Variants in HFM1 observed in about 807,000 individuals in gnomAD.
HFM1 encodes helicase for meiosis 1.
In HFM1, 169 loss-of-function variants were observed where a neutral mutation model predicts 192.1. That is an observed-to-expected ratio of 0.88 (90% confidence interval 0.78 to 1.00). The LOEUF is 1.00. Ranked by LOEUF, HFM1 falls within the 50% of genes least tolerant of loss-of-function variation. HFM1 has a pLI of 0.00. For synonymous variants in HFM1, 525 were observed against 537.8 expected (o/e 0.98, Z 0.33); for missense variants, 1,661 against 1,668.0 (o/e 1.00, Z 0.07).
intron 23 of HFM1, among the ~76,000 whole-genome samples, chr1:91,320,735 G>A (rs1344266545): frequency 6.6e-6 from 1 of 152,068 alleles, no homozygotes; most frequent in East Asian, 1.9e-4. Context: ...CTGTTTCTCT[G>A]CACCAGATAA....
intron 18 of HFM1, among the ~76,000 whole-genome samples, chr1:91,348,141 C>T (rs1052814876): frequency 7.2e-5 from 11 of 151,924 alleles, no homozygotes; most frequent in African/African-American, 2.7e-4. Context: ...TGTATAAACA[C>T]ATATATAAAA....
chr1:91,310,303 G>C (rs1008383812), intron 30 of HFM1, among the ~76,000 whole-genome samples: 2 of 152,024 alleles, frequency 1.3e-5, no homozygotes, highest in Admixed American at 1.3e-4. Flanking sequence ...AAAAACTAGA[G>C]AGGTATAGAT....
At chr1:91,362,962 C>G (rs1249056245) in intron 13 of HFM1, among the ~76,000 whole-genome samples, 1 of 152,108 alleles carries the variant, frequency 6.6e-6, no homozygotes, top group Non-Finnish European at 1.5e-5. Context: ...GCTGGGAGAG[C>G]TGGCTAGCCA....
intron 1 of HFM1, among the ~76,000 whole-genome samples, chr1:91,402,493 CTA>C (rs1003495309): frequency 4.6e-5 from 7 of 152,102 alleles, no homozygotes; most frequent in African/African-American, 1.7e-4. Context: ...TAGTGTGGTT[CTA>C]TAAATGTCTA....
Position 91,288,929 on chromosome 1 carries a change from T to G in HFM1, c.3392-11867A>C, listed in dbSNP as rs1668351803. ...CGGGGTGGCGGCCGGGCAGAGGGGC[T>G]CCTCACTTCCCAGACGGGCCGGCCG... On this transcript the variant is annotated intron_variant, in intron 30 of 38. Transcript: ENST00000370425. Among the ~76,000 whole-genome samples the G allele has an allele frequency of 2.6e-5, 4 of 151,980 alleles. No homozygotes were observed. In the South Asian group the frequency reaches 8.3e-4, roughly 32 times the overall value.
At chr1:91,278,205 T>A (rs1423170516) in intron 30 of HFM1, among the ~76,000 whole-genome samples, 1 of 151,838 alleles carries the variant, frequency 6.6e-6, no homozygotes, top group Non-Finnish European at 1.5e-5. Context: ...GCTTTAGGGA[T>A]CTAAGAAATT....
intron 4 of HFM1, among the ~76,000 whole-genome samples, chr1:91,393,872 T>C (rs966458377): frequency 1.3e-5 from 2 of 152,114 alleles, no homozygotes; most frequent in African/African-American, 2.4e-5. Context: ...ACCTGGACTG[T>C]TGTGGTACCA....
At chr1:91,328,287 G>C in intron 20 of HFM1, 1 of 1,012,734 alleles carries the variant, frequency 9.9e-7, no homozygotes. Context: ...GGGGAAAGTG[G>C]GCTTAGGACC....
intron 30 of HFM1, among the ~76,000 whole-genome samples, chr1:91,279,497 TG>T (rs1667274134): frequency 6.6e-6 from 1 of 152,224 alleles, no homozygotes. Context: ...CAGACCAATT[TG>T]CCCACTTAGA....
intron 1 of HFM1, among the ~76,000 whole-genome samples, chr1:91,401,372 T>C (rs2102215773): frequency 6.6e-6 from 1 of 152,336 alleles, no homozygotes; most frequent in South Asian, 2.1e-4. Flanking sequence ...ATTCTCCAAC[T>C]GGCAAATTCC....
chr1:91,344,912 C>T (rs1655925022), intron 19 of HFM1, among the ~76,000 whole-genome samples: 1 of 151,808 alleles, frequency 6.6e-6, no homozygotes. Context: ...ACAACACCAG[C>T]TCATTTTTTT....
intron 21 of HFM1, 51 bp downstream of exon 21, chr1:91,324,624 T>C: frequency 1.2e-6 from 1 of 814,228 alleles, no homozygotes; most frequent in Non-Finnish European, 2.1e-6. Context: ...TCTCAAATAT[T>C]ATTTTATACT....
chr1:91,389,885 C>G (rs890172990), intron 4 of HFM1, among the ~76,000 whole-genome samples: 1 of 152,060 alleles, frequency 6.6e-6, no homozygotes, highest in Admixed American at 6.6e-5. Flanking sequence ...TATAAAGTGA[C>G]GCAGCCACTT....
rs370122580 is a variant in HFM1, at chr1:91,315,984, G to C, written c.2983-12C>G. On this transcript the variant is annotated splice_polypyrimidine_tract_variant and intron_variant, in intron 27 of 38. Coordinates refer to ENST00000370425, the MANE Select transcript of HFM1 (RefSeq NM_001017975.6). ...CTATATCTTGTAATCTTTAAAAAAG[G>C]ACAAGTATAAAAAGTGTTAAAAATA... 93 of 1,568,152 alleles carry C rather than the reference G, an allele frequency of 5.9e-5. 1 individual carries two copies. In the African/African-American group the frequency reaches 1.1e-3, roughly 19 times the overall value.
chr1:91,315,838 T>C lies in HFM1; in HGVS notation c.3117A>G (p.Gln1039=). The change falls in exon 28 of 39, where the codon CAA becomes CAG. Residue 1039 remains glutamine (Q), a synonymous_variant. Transcript: ENST00000370425. ...VTLIIGDADN[Q]VVYLHKITDS... is the part of the protein sequence containing the mutation. ...ACGTAATCTTGTGCAGATAAACTAC[T>C]TGATTATCTGCGTCACCTATGATTA... 6.2e-7 allele frequency: 1 copy of C among 1,610,616 alleles called. No individual in the cohort carries two copies. The highest frequency in any genetic ancestry group is 8.5e-7 in the Non-Finnish European group (1 of 1,177,980).
At chr1:91,375,318 A>G in intron 13 of HFM1, 40 bp downstream of exon 13, 1 of 1,477,542 alleles carries the variant, frequency 6.8e-7, no homozygotes, top group Non-Finnish European at 9.4e-7. Flanking sequence ...GATGAGCCCT[A>G]AAAGTCCTTC....
At chr1:91,350,667 A>C (rs1280048362) in intron 18 of HFM1, 71 bp downstream of exon 18, 4 of 1,407,310 alleles carry the variant, frequency 2.8e-6, no homozygotes, top group Non-Finnish European at 4.0e-6. Context: ...TCTATCCTGT[A>C]ACTTATTAGT....
chr1:91,310,513 A>G (rs1650283024), intron 30 of HFM1, among the ~76,000 whole-genome samples: 1 of 152,230 alleles, frequency 6.6e-6, no homozygotes, highest in African/African-American at 2.4e-5. Flanking sequence ...AATGGCTATA[A>G]CAATGGCATA....
intron 4 of HFM1, among the ~76,000 whole-genome samples, chr1:91,388,245 T>C (rs189567048): frequency 6.6e-6 from 1 of 152,282 alleles, no homozygotes; most frequent in Admixed American, 6.5e-5. Flanking sequence ...AAGCCTCAAA[T>C]TTGTAGTTGG....
Sources: allele counts gnomAD v4.1 joint callset (sites outside exome capture counted in the v4.1 genomes callset), GRCh38; gene constraint gnomAD v4.1.1; transcripts MANE v1.5; gene names NCBI Gene and HGNC (gene_info 2026-07-23, HGNC 2026-07-21).